The following ULK4 variants were observed in gnomAD, a reference collection of about 807,000 sequenced individuals.
ULK4 encodes inactive serine/threonine-protein kinase ULK4.
Under a neutral mutation model 160.6 loss-of-function variants are expected in ULK4, and 133 were observed. The observed-to-expected ratio is 0.83, with a 90% CI of 0.72 to 0.96. The LOEUF is 0.96. ULK4 is among the 40% of genes least tolerant of loss of function. The pLI, the probability that ULK4 is intolerant of heterozygous loss-of-function variation, is 0.00. For synonymous variants in ULK4, 534 were observed against 539.8 expected, an observed-to-expected ratio of 0.99 and a Z score of 0.15; for missense variants, 1,580 against 1,499.5, an observed-to-expected ratio of 1.05 and a Z score of -0.89.
intron 35 of ULK4, among the ~76,000 whole-genome samples, chr3:41,266,096 G>A (rs2079027864): frequency 6.6e-6 from 1 of 152,206 alleles, no homozygotes; most frequent in Non-Finnish European, 1.5e-5. Flanking sequence ...GCCTCCAAGG[G>A]CAACATCAAA....
chr3:41,622,408 T>C (rs543890635), intron 30 of ULK4, among the ~76,000 whole-genome samples: 1 of 152,286 alleles, frequency 6.6e-6, no homozygotes, highest in East Asian at 1.9e-4. Flanking sequence ...CACCATGGAA[T>C]GCTATGCAGC....
chr3:41,529,109 C>T (rs2643962), intron 32 of ULK4, among the ~76,000 whole-genome samples: 120,351 of 152,178 alleles, frequency 0.79, 48,087 homozygotes, highest in African/African-American at 0.89. Flanking sequence ...GCATACACTT[C>T]ATACTATTCT....
intron 5 of ULK4, among the ~76,000 whole-genome samples, chr3:41,922,780 T>C (rs1179240589): frequency 6.6e-6 from 1 of 152,078 alleles, no homozygotes; most frequent in Non-Finnish European, 1.5e-5. Context: ...CAATGTACGA[T>C]GGACTCCATG....
At chr3:41,458,440 A>G (rs970321566) in intron 33 of ULK4, among the ~76,000 whole-genome samples, 1 of 152,184 alleles carries the variant, frequency 6.6e-6, no homozygotes, top group African/African-American at 2.4e-5. Context: ...TGCTGGAGAT[A>G]TAAGACAGGA....
chr3:41,881,701 C>G (rs1008364314), intron 17 of ULK4, among the ~76,000 whole-genome samples: 1 of 151,866 alleles, frequency 6.6e-6, no homozygotes, highest in Non-Finnish European at 1.5e-5. Context: ...TTTTTTTAAT[C>G]AAATAAGTAT....
chr3:41,692,011 G>A (rs2036318687), intron 27 of ULK4, among the ~76,000 whole-genome samples: 1 of 130,950 alleles, frequency 7.6e-6, no homozygotes, highest in African/African-American at 3.1e-5. Context: ...GAGTGCAGTA[G>A]TGCGATCTCA....
At chr3:41,798,531 A>C (rs751488207) in intron 20 of ULK4, among the ~76,000 whole-genome samples, 90 of 152,334 alleles carry the variant, frequency 5.9e-4, no homozygotes, top group Middle Eastern at 3.4e-3. Context: ...TATATAGGTA[A>C]CATAACTGAA....
In ULK4 at chr3:41,585,526, G is replaced by A. The variant is rs571584755; in HGVS notation, c.3121-19396C>T. Among the ~76,000 whole-genome samples the A allele has an allele frequency of 1.6e-4, 25 of 152,190 alleles. 1 individual carries two copies. The highest frequency in any genetic ancestry group is 6.8e-3 in the Middle Eastern group (2 of 294). On this transcript the variant is annotated intron_variant, in intron 31 of 36. Coordinates refer to ENST00000301831, the MANE Select transcript of ULK4 (RefSeq NM_017886.4). ...CATATACAAAAATAAACTCAAAATG[G>A]ATTAAAGACATAAATGTAAGCTCTA...
intron 4 of ULK4, among the ~76,000 whole-genome samples, chr3:41,935,154 T>C (rs916420774): frequency 6.6e-6 from 1 of 150,438 alleles, no homozygotes. Flanking sequence ...GTAGATGGAA[T>C]TACAGGCGCT....
chr3:41,935,019 T>A (rs1417679007), intron 4 of ULK4, among the ~76,000 whole-genome samples: 2 of 121,716 alleles, frequency 1.6e-5, no homozygotes, highest in Non-Finnish European at 3.3e-5. Flanking sequence ...ATTTATTAAT[T>A]TTTTTTTTTT....
chr3:41,419,039 C>T (rs953634529), intron 34 of ULK4, among the ~76,000 whole-genome samples: 1 of 152,064 alleles, frequency 6.6e-6, no homozygotes, highest in African/African-American at 2.4e-5. Flanking sequence ...GTTCATAAGT[C>T]CTGTGGCATT....
At chr3:41,702,524 A>G (rs551601261) in intron 27 of ULK4, among the ~76,000 whole-genome samples, 221 of 152,332 alleles carry the variant, frequency 1.5e-3, no homozygotes, top group South Asian at 5.0e-3. Flanking sequence ...CTGAAGGAAA[A>G]GAATGAAAAA....
intron 32 of ULK4, among the ~76,000 whole-genome samples, chr3:41,532,020 C>T (rs2700436): frequency 0.79 from 120,290 of 152,118 alleles, 48,055 homozygotes; most frequent in African/African-American, 0.89. Context: ...CCCAAACCAC[C>T]GGTCTAATCT....
rs1334212050 is a variant in ULK4, at chr3:41,398,282, A to G, written c.3493-18T>C. 1.2e-6 allele frequency: 2 copies of G among 1,606,414 alleles called. No individual in the cohort carries two copies. The highest frequency in any genetic ancestry group is 2.2e-5 in the South Asian group (2 of 89,448). On this transcript the variant is annotated intron_variant, in intron 34 of 36. Transcript: ENST00000301831. ...TTAGGAAGCTGAAAATTAACAAATA[A>G]GACTATTTAAATTTCCTTGAAGACG...
intron 5 of ULK4, among the ~76,000 whole-genome samples, chr3:41,921,406 T>TC (rs1361485420): frequency 6.6e-6 from 1 of 151,646 alleles, no homozygotes; most frequent in African/African-American, 2.4e-5. Flanking sequence ...GGTCAGGAGA[T>TC]CGAGACCAGC....
chr3:41,581,888 G>GGCT (rs2030376418), intron 31 of ULK4, among the ~76,000 whole-genome samples: 1 of 152,200 alleles, frequency 6.6e-6, no homozygotes, highest in African/African-American at 2.4e-5. Flanking sequence ...CAAAGACTGT[G>GGCT]GCTGCACAGA....
chr3:41,514,998 T>C lies in ULK4; in HGVS notation c.3226+51027A>G, dbSNP rs80132307. On this transcript the variant is annotated intron_variant, in intron 32 of 36. Coordinates refer to ENST00000301831, the MANE Select transcript of ULK4 (RefSeq NM_017886.4). ...GGCTGTGCATGGTGGCTCACGCTTG[T>C]AATTGCAGCATGTTGGGAGGCTGGG... Among the ~76,000 whole-genome samples the C allele has an allele frequency of 2.4e-3, 368 of 152,244 alleles. 1 individual carries two copies. The highest frequency in any genetic ancestry group is 8.5e-3 in the African/African-American group (353 of 41,558).
intron 18 of ULK4, among the ~76,000 whole-genome samples, chr3:41,834,196 C>A (rs2041685723): frequency 6.6e-6 from 1 of 151,708 alleles, no homozygotes; most frequent in Admixed American, 6.6e-5. Flanking sequence ...CTTTGAAATA[C>A]AAAATTACCT....
At chr3:41,762,655 CTTTTTTT>C (rs35695794) in intron 21 of ULK4, among the ~76,000 whole-genome samples, 2 of 88,976 alleles carry the variant, frequency 2.2e-5, no homozygotes, top group Non-Finnish European at 2.1e-5. Context: ...AAGTGTTACA[CTTTTTTT>C]TTTTTTTTTT....
Sources: allele counts gnomAD v4.1 joint callset (sites outside exome capture counted in the v4.1 genomes callset), GRCh38; gene constraint gnomAD v4.1.1; transcripts MANE v1.5; gene names NCBI Gene and HGNC (gene_info 2026-07-23, HGNC 2026-07-21).